The following NXPE4 variants were observed in gnomAD, a reference collection of about 807,000 sequenced individuals.
The protein encoded by NXPE4 is neurexophilin and PC-esterase domain family member 4.
NXPE4 carries 42 observed loss-of-function variants against 33.3 expected under a neutral mutation model. The observed-to-expected ratio is 1.26, with a 90% confidence interval of 0.98 to 1.63. The LOEUF is 1.63. NXPE4 is among the 40% of genes most tolerant of loss of function. The pLI is 0.00. For missense variants in NXPE4, 709 were observed against 647.6 expected (o/e 1.09, Z -1.03); for synonymous variants, 253 against 234.9 (o/e 1.08, Z -0.71).
At chr11:114,638,979 C>G in the NXPE4 span, among the ~76,000 whole-genome samples, 1 of 152,030 alleles carries the variant, frequency 6.6e-6, no homozygotes, top group African/African-American at 2.4e-5. Flanking sequence ...GCTGGGAGAA[C>G]CACTGCTCTC....
At chr11:114,664,673 G>A in the NXPE4 span, among the ~76,000 whole-genome samples, 24 of 152,146 alleles carry the variant, frequency 1.6e-4, no homozygotes, top group Admixed American at 1.6e-3. Flanking sequence ...TTTGACTTAT[G>A]AGTTGTTGAC....
the NXPE4 span, among the ~76,000 whole-genome samples, chr11:114,610,860 G>T: frequency 6.6e-6 from 1 of 151,896 alleles, no homozygotes; most frequent in South Asian, 2.1e-4. Context: ...GGTAACCACT[G>T]TTCCCCGGGG....
the NXPE4 span, among the ~76,000 whole-genome samples, chr11:114,650,354 T>C: frequency 6.6e-6 from 1 of 152,188 alleles, no homozygotes; most frequent in African/African-American, 2.4e-5. Context: ...GAAAAGAGGA[T>C]GTCACAATCA....
At chr11:114,609,137 T>A in the NXPE4 span, among the ~76,000 whole-genome samples, 19 of 151,558 alleles carry the variant, frequency 1.3e-4, no homozygotes, top group Non-Finnish European at 2.1e-4. Context: ...ATAATAAGTA[T>A]TGCCTCGTGG....
the NXPE4 span, among the ~76,000 whole-genome samples, chr11:114,633,989 G>T: frequency 6.6e-6 from 1 of 151,882 alleles, no homozygotes; most frequent in East Asian, 1.9e-4. Context: ...GTAATGGGAT[G>T]GCTGGGTCAA....
the NXPE4 span, among the ~76,000 whole-genome samples, chr11:114,626,834 G>A: frequency 6.6e-6 from 1 of 152,242 alleles, no homozygotes; most frequent in South Asian, 2.1e-4. Context: ...AGGAGCTGGT[G>A]GAGCTGAAAA....
intron 5 of NXPE4, among the ~76,000 whole-genome samples, chr11:114,572,094 C>T (rs1255922913): frequency 6.6e-6 from 1 of 152,154 alleles, no homozygotes; most frequent in Admixed American, 6.6e-5. Context: ...TGCAGACACT[C>T]TCCAGTACCA....
At chr11:114,638,612 T>C in the NXPE4 span, among the ~76,000 whole-genome samples, 5 of 152,064 alleles carry the variant, frequency 3.3e-5, no homozygotes, top group South Asian at 6.2e-4. Flanking sequence ...ACTTTTGTCT[T>C]TGATGATGGT....
the NXPE4 span, among the ~76,000 whole-genome samples, chr11:114,614,597 G>A: frequency 0.024 from 3,635 of 151,786 alleles, 131 homozygotes; most frequent in African/African-American, 0.08. Flanking sequence ...GATAGTAAGC[G>A]TTGCCTCGTG....
chr11:114,676,727 C>T, the NXPE4 span, among the ~76,000 whole-genome samples: 1 of 151,972 alleles, frequency 6.6e-6, no homozygotes, highest in Admixed American at 6.6e-5. Context: ...AATGGAAATA[C>T]TGTATGATCC....
chr11:114,614,296 A>T, the NXPE4 span, among the ~76,000 whole-genome samples: 2 of 151,562 alleles, frequency 1.3e-5, no homozygotes, highest in Non-Finnish European at 2.9e-5. Flanking sequence ...TACCCGGTGG[A>T]TAGTAAGTAT....
chr11:114,626,759 T>G, the NXPE4 span, among the ~76,000 whole-genome samples: 4 of 152,204 alleles, frequency 2.6e-5, no homozygotes, highest in East Asian at 7.7e-4. Context: ...GCAAAGAAGT[T>G]GAAAACTTTG....
chr11:114,605,681 A>G, the NXPE4 span, among the ~76,000 whole-genome samples: 1 of 151,754 alleles, frequency 6.6e-6, no homozygotes, highest in Non-Finnish European at 1.5e-5. Flanking sequence ...CTCATGTGTA[A>G]CCATTGTTAC....
the NXPE4 span, among the ~76,000 whole-genome samples, chr11:114,644,904 C>T: frequency 5.9e-5 from 9 of 151,518 alleles, no homozygotes; most frequent in South Asian, 2.1e-4. Flanking sequence ...GAATTAAAAG[C>T]GCAGAACTCA....
the NXPE4 span, among the ~76,000 whole-genome samples, chr11:114,637,757 A>G: frequency 1.3e-5 from 2 of 151,752 alleles, no homozygotes; most frequent in African/African-American, 4.8e-5. Flanking sequence ...TTCTGGGTTG[A>G]AAATTCTTCT....
intron 5 of NXPE4, among the ~76,000 whole-genome samples, chr11:114,577,026 TAC>T (rs1218968750): frequency 2.2e-4 from 5 of 22,934 alleles, no homozygotes; most frequent in South Asian, 1.4e-3. Flanking sequence ...TATATATATA[TAC>T]ATATATATAT....
chr11:114,615,214 C>G, the NXPE4 span, among the ~76,000 whole-genome samples: 8 of 149,126 alleles, frequency 5.4e-5, no homozygotes, highest in African/African-American at 2.0e-4. Context: ...CCGGTGGATA[C>G]TAAGTATCGC....
the NXPE4 span, among the ~76,000 whole-genome samples, chr11:114,662,155 T>C: frequency 3.6e-3 from 543 of 152,264 alleles, 2 homozygotes; most frequent in African/African-American, 0.013. Flanking sequence ...AAAGCAATCT[T>C]GAATTGCCAA....
chr11:114,642,928 G>T, the NXPE4 span, among the ~76,000 whole-genome samples: 29 of 152,182 alleles, frequency 1.9e-4, no homozygotes, highest in Admixed American at 9.8e-4. Context: ...AGCATCGGAT[G>T]TTTCCTGACA....
Sources: gnomAD v4.1 joint callset for allele counts (sites outside exome capture counted in the v4.1 genomes callset) on GRCh38, gnomAD v4.1.1 for gene constraint, MANE v1.5 for transcripts, NCBI Gene and HGNC (gene_info 2026-07-23, HGNC 2026-07-21) for gene names.